Variants in ZCWPW2 observed in about 807,000 individuals in gnomAD.
ZCWPW2 encodes the protein zinc finger CW-type PWWP domain protein 2.
Under a neutral mutation model 46.6 loss-of-function variants are expected in ZCWPW2, and 45 were observed. That is an observed-to-expected ratio of 0.96 (90% CI 0.76 to 1.24). The LOEUF is 1.24. ZCWPW2 is among the 50% of genes most tolerant of loss of function. The probability of loss-of-function intolerance (pLI) is 0.00; values close to 1 mark genes in which losing one functional copy is unlikely to be tolerated. For synonymous variants in ZCWPW2, 152 were observed against 137.1 expected (o/e 1.11, Z -0.76); for missense variants, 429 against 403.9 (o/e 1.06, Z -0.53).
At chr3:28,487,219 C>T (rs1458288892) in intron 5 of ZCWPW2, among the ~76,000 whole-genome samples, 1 of 151,910 alleles carries the variant, frequency 6.6e-6, no homozygotes, top group Non-Finnish European at 1.5e-5. Flanking sequence ...TCTTTTCATT[C>T]TGGTATGCCT....
At chr3:28,495,305 G>GC (rs1328414080) in intron 6 of ZCWPW2, among the ~76,000 whole-genome samples, 106 of 152,222 alleles carry the variant, frequency 7.0e-4, no homozygotes, top group Non-Finnish European at 1.3e-3. Context: ...TAAAAGAAAG[G>GC]ATATAGGTCT....
rs1354984500 is a variant in ZCWPW2, at chr3:28,381,027, A to G, written c.-133-9471A>G. ...ATATATATATATATATATATTTGGT[A>G]TATATATATATATATATTTGGTGTA... On this transcript the variant is annotated intron_variant, in intron 1 of 9. Transcript: ENST00000383768. Among the ~76,000 whole-genome samples, 15 of 12,948 alleles carry G rather than the reference A, an allele frequency of 1.2e-3. 2 individuals carry two copies. The highest frequency in any genetic ancestry group is 2.6e-3 in the Admixed American group (2 of 762). 8.5% of individuals were successfully genotyped at this position (12,948 alleles called of 152,430 possible). A position where few individuals can be genotyped will look rare whatever the true frequency, so the allele number is the denominator to read the frequency against.
At chr3:28,422,327 A>T (rs1696825112) in intron 3 of ZCWPW2, among the ~76,000 whole-genome samples, 1 of 152,182 alleles carries the variant, frequency 6.6e-6, no homozygotes, top group Admixed American at 6.5e-5. Flanking sequence ...ATTATAGTAT[A>T]TACAGAATAG....
chr3:28,370,773 C>T (rs1389918517), intron 1 of ZCWPW2, among the ~76,000 whole-genome samples: 1 of 152,152 alleles, frequency 6.6e-6, no homozygotes, highest in Non-Finnish European at 1.5e-5. Context: ...GCTCTTGTTG[C>T]CCAGGCTGGA....
intron 6 of ZCWPW2, among the ~76,000 whole-genome samples, chr3:28,504,559 T>G (rs73823981): frequency 6.6e-6 from 1 of 152,204 alleles, no homozygotes; most frequent in Admixed American, 6.5e-5. Context: ...TAGCATAATG[T>G]GGATACTATA....
intron 1 of ZCWPW2, among the ~76,000 whole-genome samples, chr3:28,364,089 A>G (rs1270894029): frequency 1.3e-5 from 2 of 152,242 alleles, no homozygotes; most frequent in African/African-American, 2.4e-5. Context: ...TAAGATCACT[A>G]CACACCAGAA....
chr3:28,478,350 TCTC>T (rs1260810934), intron 4 of ZCWPW2: 1 of 285,714 alleles, frequency 3.5e-6, no homozygotes, highest in African/African-American at 2.3e-5. Flanking sequence ...TTCAAGCAGT[TCTC>T]CTACCTCAGC....
At chr3:28,463,520 A>G (rs1436656190) in intron 4 of ZCWPW2, among the ~76,000 whole-genome samples, 3 of 152,218 alleles carry the variant, frequency 2.0e-5, no homozygotes, top group African/African-American at 7.2e-5. Context: ...ATTAATAGAT[A>G]TACTCAGATT....
At chr3:28,454,134 G>A (rs1336478360) in intron 4 of ZCWPW2, among the ~76,000 whole-genome samples, 6 of 151,906 alleles carry the variant, frequency 3.9e-5, no homozygotes, top group African/African-American at 1.5e-4. Context: ...GTGAGCCACC[G>A]CGCCCGGCCA....
chr3:28,369,383 C>T (rs1420976386), intron 1 of ZCWPW2, among the ~76,000 whole-genome samples: 1 of 152,156 alleles, frequency 6.6e-6, no homozygotes, highest in African/African-American at 2.4e-5. Flanking sequence ...CAGTCAGGAC[C>T]CTCAGCTGCA....
At chr3:28,487,903 C>T (rs1699660671) in intron 5 of ZCWPW2, among the ~76,000 whole-genome samples, 1 of 152,044 alleles carries the variant, frequency 6.6e-6, no homozygotes, top group African/African-American at 2.4e-5. Flanking sequence ...TTTTGCTTCC[C>T]CCAGGTCAGG....
At chr3:28,350,064 T>G (rs1704483349) in intron 1 of ZCWPW2, among the ~76,000 whole-genome samples, 1 of 152,238 alleles carries the variant, frequency 6.6e-6, no homozygotes, top group Non-Finnish European at 1.5e-5. Context: ...AACGATTTGC[T>G]TCAATTTACT....
chr3:28,522,485 C>T (rs1359052183), intron 9 of ZCWPW2, among the ~76,000 whole-genome samples: 3 of 152,090 alleles, frequency 2.0e-5, no homozygotes, highest in African/African-American at 4.8e-5. Context: ...TATAAATGGA[C>T]AAAGGGGTTT....
chr3:28,487,567 C>G (rs183256102), intron 5 of ZCWPW2, among the ~76,000 whole-genome samples: 2 of 152,274 alleles, frequency 1.3e-5, no homozygotes, highest in East Asian at 3.9e-4. Context: ...GTTTTAAATT[C>G]ATGAGCTGAT....
Position 28,381,555 on chromosome 3 carries a change from G to A in ZCWPW2, c.-133-8943G>A, listed in dbSNP as rs1263104455. Among the ~76,000 whole-genome samples, 4 of 152,106 alleles carry A rather than the reference G, an allele frequency of 2.6e-5. No individual in the cohort carries two copies. The East Asian group carries it at 7.7e-4, about 29-fold the overall frequency. ...TGCAGTTCAAACCTATGTTATTCAAGGGTCAACTGCGTATGTGAATGTTAG... is the reference window on the plus strand; with the variant it reads ...TGCAGTTCAAACCTATGTTATTCAAAGGTCAACTGCGTATGTGAATGTTAG... On this transcript the variant is annotated intron_variant, in intron 1 of 9. Transcript: ENST00000383768.
chr3:28,397,166 G>A (rs1049111721), intron 2 of ZCWPW2, among the ~76,000 whole-genome samples: 5 of 151,496 alleles, frequency 3.3e-5, no homozygotes, highest in Non-Finnish European at 7.4e-5. Flanking sequence ...AAAACTCCTT[G>A]CATGTGTTGT....
chr3:28,434,695 C>T (rs1009042004), intron 3 of ZCWPW2, among the ~76,000 whole-genome samples: 9 of 152,296 alleles, frequency 5.9e-5, no homozygotes, highest in East Asian at 3.9e-4. Flanking sequence ...CTCTCTCCCA[C>T]GCCATCAGAA....
chr3:28,421,538 G>A (rs1304284621), intron 3 of ZCWPW2, among the ~76,000 whole-genome samples: 1 of 151,972 alleles, frequency 6.6e-6, no homozygotes, highest in Non-Finnish European at 1.5e-5. Context: ...TGGTCCTTTG[G>A]CTAAAAAGAG....
intron 1 of ZCWPW2, among the ~76,000 whole-genome samples, chr3:28,363,771 T>A (rs1228751375): frequency 6.6e-6 from 1 of 152,144 alleles, no homozygotes; most frequent in Non-Finnish European, 1.5e-5. Context: ...TTAAACCTTA[T>A]GGCTTGCCTT....
Sources: gnomAD v4.1 joint callset for allele counts (sites outside exome capture counted in the v4.1 genomes callset) on GRCh38, gnomAD v4.1.1 for gene constraint, MANE v1.5 for transcripts, NCBI Gene and HGNC (gene_info 2026-07-23, HGNC 2026-07-21) for gene names.